Variants in TENM2 observed in about 807,000 individuals in gnomAD.
The protein encoded by TENM2 is teneurin transmembrane protein 2, also known as teneurin-2.
Under a neutral mutation model 245.2 loss-of-function variants are expected in TENM2, and 52 were observed. The observed-to-expected ratio is 0.21, with a 90% confidence interval of 0.17 to 0.27. TENM2 has a LOEUF of 0.27. Among genes scored for constraint, TENM2 ranks in the 10% least tolerant of loss-of-function variants. The probability of loss-of-function intolerance (pLI) is 1.00; values close to 1 mark genes in which losing one functional copy is unlikely to be tolerated. For synonymous variants in TENM2, 1,363 were observed against 1,438.9 expected (o/e 0.95, Z 1.19); for missense variants, 3,046 against 3,666.8 (o/e 0.83, Z 4.37).
chr5:167,958,424 CTT>C (rs1170264157), intron 4 of TENM2, among the ~76,000 whole-genome samples: 2 of 152,172 alleles, frequency 1.3e-5, no homozygotes, highest in Admixed American at 6.5e-5. Context: ...GGTCTTGACT[CTT>C]TATCCAATTT....
At chr5:167,376,223 A>AT (rs1354811023) in intron 2 of TENM2, among the ~76,000 whole-genome samples, 3 of 152,214 alleles carry the variant, frequency 2.0e-5, no homozygotes, top group Non-Finnish European at 4.4e-5. Flanking sequence ...TTTCTGAGCA[A>AT]TTCCGAAGTG....
At chr5:167,615,330 GA>G (rs1192952167) in intron 2 of TENM2, among the ~76,000 whole-genome samples, 1 of 152,040 alleles carries the variant, frequency 6.6e-6, no homozygotes, top group Admixed American at 6.6e-5. Context: ...TGGGGAAATT[GA>G]CTGTTGATGT....
At chr5:168,116,511 C>T (rs908146910) in intron 9 of TENM2, among the ~76,000 whole-genome samples, 3 of 152,156 alleles carry the variant, frequency 2.0e-5, no homozygotes, top group Admixed American at 1.3e-4. Flanking sequence ...GTTCTTCCCA[C>T]GTCTTTCATA....
chr5:167,657,138 G>A (rs1174818833), intron 2 of TENM2, among the ~76,000 whole-genome samples: 2 of 151,936 alleles, frequency 1.3e-5, no homozygotes, highest in Admixed American at 1.3e-4. Context: ...CCCAGCCTCT[G>A]GTATTCTCTC....
At chr5:167,799,273 A>G (rs1765534830) in intron 2 of TENM2, among the ~76,000 whole-genome samples, 1 of 152,244 alleles carries the variant, frequency 6.6e-6, no homozygotes, top group South Asian at 2.1e-4. Context: ...AATAATGTGC[A>G]TTAAACAACT....
At chr5:168,222,289 T>A (rs7735069) in intron 23 of TENM2, among the ~76,000 whole-genome samples, 30,857 of 152,078 alleles carry the variant, frequency 0.2, 6,362 homozygotes, top group African/African-American at 0.53. Flanking sequence ...AGGAGCAGAG[T>A]CTGCCTTAGC....
At chr5:168,016,260 G>T (rs541587770) in intron 5 of TENM2, among the ~76,000 whole-genome samples, 7 of 152,328 alleles carry the variant, frequency 4.6e-5, no homozygotes, top group Admixed American at 2.0e-4. Context: ...GATAGGAACT[G>T]CCCTAATGAA....
the TENM2 span, among the ~76,000 whole-genome samples, chr5:166,995,241 T>G: frequency 6.6e-6 from 1 of 152,018 alleles, no homozygotes; most frequent in Non-Finnish European, 1.5e-5. Flanking sequence ...CCTTTATTTT[T>G]TATTTATTTA....
intron 5 of TENM2, among the ~76,000 whole-genome samples, chr5:168,045,104 A>G (rs554027748): frequency 1.2e-3 from 178 of 152,288 alleles, no homozygotes; most frequent in African/African-American, 4.0e-3. Flanking sequence ...TTGGAAGGAC[A>G]GGTCTCATGT....
At chr5:167,189,420 C>T in the TENM2 span, among the ~76,000 whole-genome samples, 1 of 152,136 alleles carries the variant, frequency 6.6e-6, no homozygotes, top group Non-Finnish European at 1.5e-5. Context: ...AATTTGCACA[C>T]TGCCAAATCA....
chr5:167,670,005 T>C (rs1362220120), intron 2 of TENM2, among the ~76,000 whole-genome samples: 1 of 152,152 alleles, frequency 6.6e-6, no homozygotes, highest in Non-Finnish European at 1.5e-5. Context: ...TTTAGCTCCC[T>C]GCATGTGTGA....
intron 2 of TENM2, among the ~76,000 whole-genome samples, chr5:167,439,564 C>G (rs1335500957): frequency 6.6e-6 from 1 of 151,944 alleles, no homozygotes; most frequent in Non-Finnish European, 1.5e-5. Flanking sequence ...ATGCATGGAC[C>G]CTAGGATATA....
intron 5 of TENM2, among the ~76,000 whole-genome samples, chr5:168,042,726 G>A (rs978858270): frequency 6.6e-6 from 1 of 152,138 alleles, no homozygotes; most frequent in Non-Finnish European, 1.5e-5. Flanking sequence ...ACTCCACGTA[G>A]GTCTGTTTAT....
At chr5:167,497,560 C>A (rs931285209) in intron 2 of TENM2, among the ~76,000 whole-genome samples, 7 of 152,020 alleles carry the variant, frequency 4.6e-5, no homozygotes, top group African/African-American at 1.7e-4. Context: ...GAGGCATACA[C>A]CCCATTGCTC....
chr5:167,315,864 A>T (rs1756333615), intron 1 of TENM2, among the ~76,000 whole-genome samples: 1 of 152,134 alleles, frequency 6.6e-6, no homozygotes, highest in African/African-American at 2.4e-5. Context: ...TGTTAAATGA[A>T]AAAGAAAATT....
At chr5:168,195,798 G>T (rs560982413) in intron 15 of TENM2, among the ~76,000 whole-genome samples, 1 of 152,006 alleles carries the variant, frequency 6.6e-6, no homozygotes, top group East Asian at 1.9e-4. Context: ...AGGGGGTGGC[G>T]TGTAATCAGA....
chr5:167,077,316 T>TTTA, the TENM2 span, among the ~76,000 whole-genome samples: 1 of 152,096 alleles, frequency 6.6e-6, no homozygotes, highest in Non-Finnish European at 1.5e-5. Context: ...ATATATGTCA[T>TTTA]ATACCATTTT....
At chr5:168,257,615 ATTTTT>A (rs58911868) in intron 27 of TENM2, among the ~76,000 whole-genome samples, 4 of 130,998 alleles carry the variant, frequency 3.1e-5, no homozygotes, top group Admixed American at 7.9e-5. Context: ...GCAGCTCCTG[ATTTTT>A]TTTTTTTTTT....
intron 2 of TENM2, among the ~76,000 whole-genome samples, chr5:167,535,783 A>G (rs1771803612): frequency 6.6e-6 from 1 of 152,246 alleles, no homozygotes; most frequent in Non-Finnish European, 1.5e-5. Context: ...ATAAGTTTCT[A>G]TTCTTTATAA....
Sources: allele counts gnomAD v4.1 joint callset (sites outside exome capture counted in the v4.1 genomes callset), GRCh38; gene constraint gnomAD v4.1.1; transcripts MANE v1.5; gene names NCBI Gene and HGNC (gene_info 2026-07-23, HGNC 2026-07-21).